ALOX5: variants seen among roughly 807,000 people sequenced by gnomAD.
ALOX5 encodes the protein polyunsaturated fatty acid 5-lipoxygenase.
ALOX5 carries 64 observed loss-of-function variants against 87.9 expected under a neutral mutation model. The observed-to-expected ratio is 0.73, with a 90% CI of 0.60 to 0.90. The LOEUF is 0.90. ALOX5 is among the 40% of genes least tolerant of loss of function. The pLI, the probability that ALOX5 is intolerant of heterozygous loss-of-function variation, is 0.00. For missense variants in ALOX5, 822 were observed against 907.5 expected (o/e 0.91, Z 1.21); for synonymous variants, 388 against 355.1 (o/e 1.09, Z -1.04).
intron 4 of ALOX5, among the ~76,000 whole-genome samples, chr10:45,417,488 G>A (rs1219078359): frequency 6.6e-6 from 1 of 152,162 alleles, no homozygotes; most frequent in Non-Finnish European, 1.5e-5. Flanking sequence ...CTGGGTCCCA[G>A]GGAGTGCCTC....
chr10:45,430,980 G>A (rs913191421), intron 7 of ALOX5, among the ~76,000 whole-genome samples: 1 of 152,202 alleles, frequency 6.6e-6, no homozygotes, highest in Non-Finnish European at 1.5e-5. Context: ...AAAACTAAAG[G>A]TGATATTAGC....
intron 4 of ALOX5, among the ~76,000 whole-genome samples, chr10:45,417,387 C>T (rs556452724): frequency 2.0e-5 from 3 of 152,296 alleles, no homozygotes; most frequent in East Asian, 3.9e-4. Flanking sequence ...CAGTGTATAG[C>T]CAGGATTAAG....
rs13134 is a variant in ALOX5, at chr10:45,445,957, C to A, written c.*270C>A. ...CACACCAAGCAGCAACAGCAAATCA[C>A]GACCACTGATAGATGTCTATTCTTG... On this transcript the variant is annotated 3_prime_UTR_variant, in exon 14 of 14. Transcript: ENST00000374391. 5 of 417,192 alleles carry A rather than the reference C, an allele frequency of 1.2e-5. No homozygotes were observed. The highest frequency in any genetic ancestry group is 2.1e-5 in the Non-Finnish European group (5 of 235,794). 25.8% of individuals were successfully genotyped at this position (417,192 alleles called of 1,614,324 possible).
At chr10:45,375,356 T>C (rs1405323887) in intron 1 of ALOX5, among the ~76,000 whole-genome samples, 2 of 152,196 alleles carry the variant, frequency 1.3e-5, no homozygotes, top group African/African-American at 4.8e-5. Flanking sequence ...GAGCCTTTAA[T>C]GAAGTGCCTA....
At chr10:45,376,141 C>T (rs1043797414) in intron 1 of ALOX5, among the ~76,000 whole-genome samples, 1 of 152,200 alleles carries the variant, frequency 6.6e-6, no homozygotes, top group African/African-American at 2.4e-5. Flanking sequence ...CCATAGCGGG[C>T]TCTTCGGACA....
At chr10:45,409,841 G>A (rs1357638650) in intron 3 of ALOX5, among the ~76,000 whole-genome samples, 1 of 152,224 alleles carries the variant, frequency 6.6e-6, no homozygotes, top group African/African-American at 2.4e-5. Context: ...TAAACATTTG[G>A]TTTCAGGGGG....
At chr10:45,417,492 G>C (rs1841338824) in intron 4 of ALOX5, among the ~76,000 whole-genome samples, 1 of 152,174 alleles carries the variant, frequency 6.6e-6, no homozygotes, top group African/African-American at 2.4e-5. Context: ...GTCCCAGGGA[G>C]TGCCTCCTCC....
chr10:45,418,868 A>T (rs911861073), intron 4 of ALOX5, among the ~76,000 whole-genome samples: 2 of 152,238 alleles, frequency 1.3e-5, no homozygotes, highest in African/African-American at 4.8e-5. Context: ...CAATGTCCTC[A>T]TTAAAGGAAA....
intron 4 of ALOX5, among the ~76,000 whole-genome samples, chr10:45,414,742 G>GA (rs2132768923): frequency 6.6e-6 from 1 of 151,976 alleles, no homozygotes; most frequent in African/African-American, 2.4e-5. Context: ...AAACTTACAA[G>GA]AAAAAAACAA....
chr10:45,379,934 C>T (rs1258615984), intron 1 of ALOX5, among the ~76,000 whole-genome samples: 1 of 152,138 alleles, frequency 6.6e-6, no homozygotes, highest in South Asian at 2.1e-4. Flanking sequence ...GATCAGGAAT[C>T]TCTGTCTTGG....
chr10:45,412,448 T>C, intron 4 of ALOX5, 135 bp downstream of exon 4: 1 of 1,221,442 alleles, frequency 8.2e-7, no homozygotes, highest in Non-Finnish European at 1.1e-6. Flanking sequence ...TTTGATGATA[T>C]GTTGGCCATA....
At chr10:45,433,349 C>T (rs1331164516) in intron 7 of ALOX5, among the ~76,000 whole-genome samples, 1 of 152,212 alleles carries the variant, frequency 6.6e-6, no homozygotes, top group African/African-American at 2.4e-5. Flanking sequence ...AGTGGGCGGT[C>T]AGAGGGTCCT....
intron 4 of ALOX5, among the ~76,000 whole-genome samples, chr10:45,419,568 G>T (rs1450619856): frequency 6.6e-6 from 1 of 152,236 alleles, no homozygotes; most frequent in Non-Finnish European, 1.5e-5. Context: ...TACATGGATG[G>T]CAGCGTCCTG....
At position 45,445,340 on chromosome 10, in the gene ALOX5, C is replaced by G. The variant is rs1022083180; in HGVS notation, c.1846-168C>G. ...AGCAGGTTGGAGGCGACGACACTTG[C>G]CTTCCCGAGGCCCTCTTGTCAGGCA... On this transcript the variant is annotated intron_variant, in intron 13 of 13. Coordinates refer to ENST00000374391, the MANE Select transcript of ALOX5 (RefSeq NM_000698.5). 2.0e-5 allele frequency among the ~76,000 whole-genome samples: 3 copies of G among 152,234 alleles called. No homozygotes were observed. The South Asian group carries it at 6.2e-4, about 31-fold the overall frequency.
intron 4 of ALOX5, among the ~76,000 whole-genome samples, chr10:45,414,222 A>G (rs565919591): frequency 5.3e-4 from 80 of 152,356 alleles, no homozygotes; most frequent in Non-Finnish European, 9.8e-4. Context: ...ACAGCATGGC[A>G]CTGGTACCAA....
intron 4 of ALOX5, among the ~76,000 whole-genome samples, chr10:45,416,743 A>T (rs1841301493): frequency 6.6e-6 from 1 of 152,040 alleles, no homozygotes; most frequent in Non-Finnish European, 1.5e-5. Flanking sequence ...GAAGGATGGA[A>T]GAAGAGGTGG....
At chr10:45,426,097 C>T (rs1326071219) in intron 6 of ALOX5, among the ~76,000 whole-genome samples, 1 of 152,236 alleles carries the variant, frequency 6.6e-6, no homozygotes, top group Non-Finnish European at 1.5e-5. Context: ...TTACAATCCC[C>T]CACACACTGA....
chr10:45,383,934 C>G (rs1045606107), intron 2 of ALOX5, among the ~76,000 whole-genome samples: 2 of 152,154 alleles, frequency 1.3e-5, no homozygotes, highest in African/African-American at 4.8e-5. Context: ...GAAACTCCCT[C>G]CTGCACATCT....
intron 9 of ALOX5, 73 bp downstream of exon 9, chr10:45,441,503 T>G: frequency 9.6e-6 from 14 of 1,453,752 alleles, no homozygotes; most frequent in African/African-American, 1.4e-5. Context: ...ATCTGAGATC[T>G]AGACACCCTT....
Sources: allele counts gnomAD v4.1 joint callset (sites outside exome capture counted in the v4.1 genomes callset), GRCh38; gene constraint gnomAD v4.1.1; transcripts MANE v1.5; gene names NCBI Gene and HGNC (gene_info 2026-07-23, HGNC 2026-07-21).